Variants in EML1 observed in about 807,000 individuals in gnomAD.
EML1 encodes echinoderm microtubule-associated protein-like 1.
A neutral mutation model predicts 110.4 loss-of-function variants in EML1; 27 were observed. The ratio of observed to expected loss-of-function variants is 0.24; its 90% CI spans 0.18 to 0.34. The LOEUF is 0.34. EML1 is among the 10% of genes least tolerant of loss of function. The pLI is 1.00. For missense variants in EML1, 741 were observed against 1,030.9 expected (o/e 0.72, Z 3.85); for synonymous variants, 344 against 385.8 (o/e 0.89, Z 1.27).
At chr14:99,863,437 A>C (rs1037089252) in intron 2 of EML1, among the ~76,000 whole-genome samples, 1 of 152,178 alleles carries the variant, frequency 6.6e-6, no homozygotes, top group African/African-American at 2.4e-5. Context: ...ACAAGGCATC[A>C]TGTCACATAT....
At chr14:99,891,408 G>A (rs2059585681) in intron 5 of EML1, among the ~76,000 whole-genome samples, 181 bp downstream of exon 5, 1 of 152,176 alleles carries the variant, frequency 6.6e-6, no homozygotes, top group South Asian at 2.1e-4. Flanking sequence ...CAGCGAGACT[G>A]CCTTTAAACA....
At chr14:99,824,737 A>G (rs1362613306) in intron 1 of EML1, among the ~76,000 whole-genome samples, 1 of 152,142 alleles carries the variant, frequency 6.6e-6, no homozygotes, top group East Asian at 1.9e-4. Context: ...TGGACCCCAT[A>G]GTGAGCACAA....
intron 17 of EML1, among the ~76,000 whole-genome samples, chr14:99,927,368 C>T (rs959842943): frequency 3.3e-5 from 5 of 152,180 alleles, no homozygotes; most frequent in South Asian, 4.1e-4. Flanking sequence ...GTTGTCTTCA[C>T]GTGTTCCTCT....
chr14:99,918,924 A>G (rs1249455105), intron 16 of EML1, among the ~76,000 whole-genome samples: 1 of 152,134 alleles, frequency 6.6e-6, no homozygotes, highest in African/African-American at 2.4e-5. Context: ...ATACCTATTC[A>G]CCTGGCACCT....
chr14:99,931,330 C>T (rs1465927025), intron 17 of EML1, among the ~76,000 whole-genome samples: 3 of 152,218 alleles, frequency 2.0e-5, no homozygotes, highest in Admixed American at 1.3e-4. Context: ...TGCCACTCAC[C>T]TGGCTGTGTT....
At chr14:99,889,224 C>T (rs1292407444) in intron 4 of EML1, among the ~76,000 whole-genome samples, 1 of 151,596 alleles carries the variant, frequency 6.6e-6, no homozygotes, top group African/African-American at 2.4e-5. Flanking sequence ...ACACCAAGCC[C>T]CACACCAGGT....
At position 99,884,691 on chromosome 14, in the gene EML1, A is replaced by G. The variant is rs536276669; in HGVS notation, c.518+6072A>G. The stretch of plus-strand genomic sequence containing the variant: ...AGTAAGAAGATAACATATTTAGAAA[A>G]TTCTTTTTACTTTACTATAAAATAA... On this transcript the variant is annotated intron_variant, in intron 4 of 21. Transcript: ENST00000262233. Among the ~76,000 whole-genome samples, 4 of 152,354 alleles carry G rather than the reference A, an allele frequency of 2.6e-5. No homozygotes were observed. In the South Asian group the frequency reaches 8.3e-4, roughly 32 times the overall value.
intron 3 of EML1, among the ~76,000 whole-genome samples, chr14:99,876,292 G>A (rs1482775321): frequency 6.6e-6 from 1 of 152,162 alleles, no homozygotes; most frequent in African/African-American, 2.4e-5. Flanking sequence ...GGGTCTTGCT[G>A]TGTTAAGTTC....
chr14:99,920,336 T>A (rs913674828), intron 16 of EML1, among the ~76,000 whole-genome samples: 13 of 152,186 alleles, frequency 8.5e-5, no homozygotes, highest in African/African-American at 2.7e-4. Flanking sequence ...CTGCTCTGTC[T>A]GCAGCACCAT....
rs142130096 is a variant in EML1, at chr14:99,920,828, C to T, written c.1860C>T (p.Thr620=). ...VFDTETKDLV[T]VHTDGNEQLS... ...ACACAGAAACAAAAGACTTGGTCACCGTTCACACAGATGGAAACGAACAGC... is the reference window on the plus strand; with the variant it reads ...ACACAGAAACAAAAGACTTGGTCACTGTTCACACAGATGGAAACGAACAGC... The change falls in exon 17 of 22, where the codon ACC becomes ACT. Residue 620 remains threonine (T), a synonymous_variant. Transcript: ENST00000262233. The T allele has an allele frequency of 4.9e-4, 794 of 1,613,818 alleles. 3 individuals carry two copies. The highest frequency in any genetic ancestry group is 1.6e-3 in the Admixed American group (96 of 59,952).
chr14:99,937,781 T>C, intron 19 of EML1, 36 bp from the exon 20 acceptor site: 2 of 1,600,800 alleles, frequency 1.2e-6, no homozygotes, highest in Middle Eastern at 1.7e-4. Flanking sequence ...GGTGGGGCCT[T>C]GGCTTAGATG....
intron 6 of EML1, among the ~76,000 whole-genome samples, chr14:99,895,570 AG>A (rs1179177812): frequency 6.6e-6 from 1 of 152,162 alleles, no homozygotes; most frequent in Non-Finnish European, 1.5e-5. Flanking sequence ...CCAAAGAAAG[AG>A]GGGTACTCTG....
chr14:99,851,108 T>C, intron 2 of EML1, 73 bp downstream of exon 2: 3 of 1,484,772 alleles, frequency 2.0e-6, no homozygotes, highest in Non-Finnish European at 2.7e-6. Flanking sequence ...GCAAACACAT[T>C]GTGCTCTTTA....
At chr14:99,742,928 C>T (rs757177013) in intron 1 of EML1, among the ~76,000 whole-genome samples, 4 of 152,160 alleles carry the variant, frequency 2.6e-5, no homozygotes, top group East Asian at 1.9e-4. Context: ...TGAACAGCAC[C>T]GCAAGTGTGC....
chr14:99,831,396 T>C (rs2058450011), intron 1 of EML1, among the ~76,000 whole-genome samples: 1 of 152,150 alleles, frequency 6.6e-6, no homozygotes, highest in Non-Finnish European at 1.5e-5. Flanking sequence ...TGGAAAGGCA[T>C]GGGTAGAGGT....
At position 99,923,608 on chromosome 14, in the gene EML1, G is replaced by C. The variant is rs973687455; in HGVS notation, c.1909+2731G>C. Among the ~76,000 whole-genome samples the C allele has an allele frequency of 7.7e-4, 115 of 150,210 alleles. 1 individual carries two copies. The highest frequency in any genetic ancestry group is 2.8e-3 in the African/African-American group (113 of 40,824). On this transcript the variant is annotated intron_variant, in intron 17 of 21. Transcript: ENST00000262233. ...TGTCAAAAATCAATCGATCAGAAAT[G>C]TAAAGGTTTATTTCCGGATACTCAG... is the stretch of plus-strand genomic sequence containing the variant.
chr14:99,928,475 G>A (rs1391708999), intron 17 of EML1, among the ~76,000 whole-genome samples: 2 of 151,808 alleles, frequency 1.3e-5, no homozygotes, highest in African/African-American at 4.9e-5. Context: ...TTCATCTGAA[G>A]GGAGGAGATC....
At chr14:99,738,784 G>T (rs1010258466) in intron 1 of EML1, among the ~76,000 whole-genome samples, 4 of 152,220 alleles carry the variant, frequency 2.6e-5, no homozygotes, top group Non-Finnish European at 5.9e-5. Context: ...GGCAGCAGGT[G>T]GGCACCCTGG....
At chr14:99,911,707 T>C (rs957568097) in intron 13 of EML1, 131 bp downstream of exon 13, 12 of 1,011,332 alleles carry the variant, frequency 1.2e-5, no homozygotes, top group Non-Finnish European at 1.7e-5. Context: ...GGGAGCAATG[T>C]ATTTTATTAA....
Sources: gnomAD v4.1 joint callset for allele counts (sites outside exome capture counted in the v4.1 genomes callset) on GRCh38, gnomAD v4.1.1 for gene constraint, MANE v1.5 for transcripts, NCBI Gene and HGNC (gene_info 2026-07-23, HGNC 2026-07-21) for gene names.